SLC39A8: variants seen among roughly 807,000 people sequenced by gnomAD.
The protein encoded by SLC39A8 is metal cation symporter ZIP8.
A neutral mutation model predicts 40.4 loss-of-function variants in SLC39A8; 15 were observed. The observed-to-expected ratio is 0.37, with a 90% CI of 0.25 to 0.57. The LOEUF is 0.57. Ranked by LOEUF, SLC39A8 falls within the 20% of genes least tolerant of loss-of-function variation. The pLI, the probability that SLC39A8 is intolerant of heterozygous loss-of-function variation, is 0.75. For missense variants in SLC39A8, 472 were observed against 558.8 expected (o/e 0.84, Z 1.57); for synonymous variants, 223 against 221.6 (o/e 1.01, Z -0.06).
At chr4:102,288,591 A>G (rs1421311092) in intron 6 of SLC39A8, among the ~76,000 whole-genome samples, 1 of 152,166 alleles carries the variant, frequency 6.6e-6, no homozygotes, top group Admixed American at 6.6e-5. Flanking sequence ...TGTGTGCCAA[A>G]CAGCCAAGCT....
intron 2 of SLC39A8, among the ~76,000 whole-genome samples, chr4:102,342,846 C>T (rs907274521): frequency 6.6e-6 from 1 of 152,138 alleles, no homozygotes; most frequent in African/African-American, 2.4e-5. Flanking sequence ...TCAACACCTC[C>T]AGACACTGCA....
intron 4 of SLC39A8, among the ~76,000 whole-genome samples, chr4:102,306,439 G>A (rs1734175370): frequency 6.6e-6 from 1 of 151,738 alleles, no homozygotes; most frequent in Non-Finnish European, 1.5e-5. Flanking sequence ...TTGAGGCTGT[G>A]AAATAGATAT....
intron 6 of SLC39A8, among the ~76,000 whole-genome samples, chr4:102,297,235 G>C (rs754883921): frequency 1.6e-5 from 2 of 121,958 alleles, no homozygotes; most frequent in African/African-American, 6.0e-5. Flanking sequence ...AATAGGCAGC[G>C]TAGTGTAAGG....
At chr4:102,300,274 C>G (rs151017286) in intron 6 of SLC39A8, among the ~76,000 whole-genome samples, 2 of 152,080 alleles carry the variant, frequency 1.3e-5, no homozygotes, top group Non-Finnish European at 2.9e-5. Context: ...ATGTTAATAT[C>G]TTCTATTATT....
intron 6 of SLC39A8, among the ~76,000 whole-genome samples, chr4:102,271,880 A>G (rs1732379447): frequency 6.6e-6 from 1 of 152,190 alleles, no homozygotes; most frequent in Admixed American, 6.5e-5. Flanking sequence ...AGTAGCAACC[A>G]GTTTGACAGA....
At chr4:102,255,322 G>A (rs2148998241) in intron 11 of SLC39A8, among the ~76,000 whole-genome samples, 1 of 152,212 alleles carries the variant, frequency 6.6e-6, no homozygotes, top group Admixed American at 6.5e-5. Flanking sequence ...GAATAACTTG[G>A]GTAACTTACA....
chr4:102,305,033 A>C lies in SLC39A8; in HGVS notation c.631T>G (p.Phe211Val). 6.2e-7 allele frequency: 1 copy of C among 1,609,542 alleles called. No individual in the cohort carries two copies. Among genetic ancestry groups the C allele is most frequent in the Non-Finnish European group, 8.5e-7 (1 of 1,177,096 alleles). The change falls in exon 5 of 9, where the codon TTT (phenylalanine) becomes GTT (valine). Residue 211 changes from phenylalanine (F) to valine (V), a missense_variant. This residue lies in a region of SLC39A8 where 239 missense variants were observed against 317.9 expected (regional missense o/e 0.75). Transcript: ENST00000356736. ...AACATCTTTAGCATTCTTTCAAAAA[A>C]GAAAAGTAGGTAAAATCCACCAAAC... ...AVFGGFYLLF[F>V]FERMLKMLLK...
chr4:102,305,893 T>C (rs1181032708), intron 4 of SLC39A8, among the ~76,000 whole-genome samples: 4 of 151,980 alleles, frequency 2.6e-5, no homozygotes, highest in Admixed American at 2.6e-4. Flanking sequence ...ATTCCACACA[T>C]TGTAAATCTC....
intron 2 of SLC39A8, among the ~76,000 whole-genome samples, chr4:102,317,913 A>G (rs967492972): frequency 8.5e-5 from 13 of 152,178 alleles, no homozygotes; most frequent in African/African-American, 3.1e-4. Context: ...CCACTTGCTA[A>G]GGCACAGTCT....
exon 12 of SLC39A8, chr4:102,252,049 A>G (rs1047050770): frequency 2.6e-5 from 4 of 152,308 alleles, no homozygotes; most frequent in African/African-American, 7.2e-5. Flanking sequence ...TAACTCTACC[A>G]TAAGTAAAGT....
At chr4:102,339,811 C>T (rs994388690) in intron 2 of SLC39A8, among the ~76,000 whole-genome samples, 1 of 152,048 alleles carries the variant, frequency 6.6e-6, no homozygotes, top group African/African-American at 2.4e-5. Flanking sequence ...CACCTTGACC[C>T]ACTCCAATAC....
At chr4:102,270,581 G>C (rs1732307073) in intron 6 of SLC39A8, among the ~76,000 whole-genome samples, 1 of 151,938 alleles carries the variant, frequency 6.6e-6, no homozygotes, top group Non-Finnish European at 1.5e-5. Context: ...TTGCTTTCTT[G>C]TCTGAGTTTT....
intron 2 of SLC39A8, among the ~76,000 whole-genome samples, chr4:102,340,077 A>T (rs1735872969): frequency 6.6e-6 from 1 of 152,202 alleles, no homozygotes; most frequent in African/African-American, 2.4e-5. Flanking sequence ...TGCATATGTC[A>T]TGTCTCCTCC....
Position 102,253,147 on chromosome 4 carries a change from C to T in SLC39A8, c.*582G>A, listed in dbSNP as rs1578546936. The stretch of plus-strand genomic sequence containing the variant: ...GAAATACTGGGGATTAGAACTCAAA[C>T]ATGTCGTTTTTCGGGGCGAGCGGGG... On this transcript the variant is annotated 3_prime_UTR_variant and NMD_transcript_variant, in exon 12 of 12. Coordinates refer to the SLC39A8 transcript ENST00000424970. 2.4e-5 allele frequency: 6 copies of T among 245,386 alleles called. No individual in the cohort carries two copies. The East Asian group carries it at 2.5e-4, about 10-fold the overall frequency. 15.2% of individuals were successfully genotyped at this position (245,386 alleles called of 1,614,324 possible).
At chr4:102,291,746 A>G (rs1377312849) in intron 6 of SLC39A8, among the ~76,000 whole-genome samples, 1 of 152,000 alleles carries the variant, frequency 6.6e-6, no homozygotes, top group Admixed American at 6.6e-5. Flanking sequence ...GCTCTCTTCT[A>G]ATGAACCTGA....
At chr4:102,265,622 A>G (rs1732065066) in intron 8 of SLC39A8, among the ~76,000 whole-genome samples, 1 of 152,228 alleles carries the variant, frequency 6.6e-6, no homozygotes, top group Admixed American at 6.5e-5. Context: ...GCATCAAAGC[A>G]ATGTGCAATA....
intron 6 of SLC39A8, among the ~76,000 whole-genome samples, chr4:102,291,881 A>T (rs1733461921): frequency 6.6e-6 from 1 of 151,892 alleles, no homozygotes; most frequent in Non-Finnish European, 1.5e-5. Flanking sequence ...AAAAGAAGGA[A>T]ATCCTGTCAT....
At position 102,253,220 on chromosome 4, in the gene SLC39A8, G is replaced by C. The variant is rs984835550; in HGVS notation, c.*509C>G. 12 of 404,612 alleles carry C rather than the reference G, an allele frequency of 3.0e-5. No homozygotes were observed. In the Admixed American group the frequency reaches 3.6e-4, roughly 12 times the overall value. The allele number at this position is 404,612 out of a possible 1,614,324, so 25.1% of individuals were successfully genotyped here. A position where few individuals can be genotyped will look rare whatever the true frequency, so the allele number is the denominator to read the frequency against. ...GAAACAAAACAGTAGCAAAATGGCTGCTCCAGGTGTCACACCTACAAACAA... is the reference window on the plus strand; with the variant it reads ...GAAACAAAACAGTAGCAAAATGGCTCCTCCAGGTGTCACACCTACAAACAA... On this transcript the variant is annotated 3_prime_UTR_variant and NMD_transcript_variant, in exon 12 of 12. Transcript: ENST00000424970.
intron 4 of SLC39A8, among the ~76,000 whole-genome samples, chr4:102,305,892 A>T (rs1734151111): frequency 6.6e-6 from 1 of 151,968 alleles, no homozygotes; most frequent in African/African-American, 2.4e-5. Flanking sequence ...CATTCCACAC[A>T]TTGTAAATCT....
Sources: gnomAD v4.1 joint callset for allele counts (sites outside exome capture counted in the v4.1 genomes callset) on GRCh38, gnomAD v4.1.1 for gene constraint, gnomAD v4.1.1 regional missense constraint, MANE v1.5 for transcripts, NCBI Gene and HGNC (gene_info 2026-07-23, HGNC 2026-07-21) for gene names.